The following ZNF385B variants were observed in gnomAD, a reference collection of about 807,000 sequenced individuals.
The protein encoded by ZNF385B is zinc finger protein 533.
In ZNF385B, 23 loss-of-function variants were observed where a neutral mutation model predicts 39.2. The observed-to-expected ratio is 0.59, with a 90% CI of 0.42 to 0.83. The LOEUF (loss-of-function observed/expected upper bound fraction) is 0.83. ZNF385B is among the 40% of genes least tolerant of loss of function. The probability of loss-of-function intolerance (pLI) is 0.00; values close to 1 mark genes in which losing one functional copy is unlikely to be tolerated. For missense variants in ZNF385B, 552 were observed against 598.9 expected, an observed-to-expected ratio of 0.92 and a Z score of 0.82; for synonymous variants, 205 against 222.6, an observed-to-expected ratio of 0.92 and a Z score of 0.70.
chr2:179,642,364 G>A (rs1156688891), intron 3 of ZNF385B, among the ~76,000 whole-genome samples: 1 of 152,102 alleles, frequency 6.6e-6, no homozygotes, highest in East Asian at 1.9e-4. Context: ...CAAACATGGA[G>A]AACAAGTGAT....
At chr2:179,774,441 A>C (rs1704194051) in intron 1 of ZNF385B, among the ~76,000 whole-genome samples, 1 of 151,670 alleles carries the variant, frequency 6.6e-6, no homozygotes, top group African/African-American at 2.4e-5. Flanking sequence ...GCTCATTGCA[A>C]CCTCTGCCTC....
At chr2:179,475,556 A>G (rs1353488627) in intron 6 of ZNF385B, among the ~76,000 whole-genome samples, 1 of 151,472 alleles carries the variant, frequency 6.6e-6, no homozygotes, top group Non-Finnish European at 1.5e-5. Context: ...GGCCCACACA[A>G]TGTTTTATTA....
At chr2:179,838,446 C>T (rs932911282) in intron 1 of ZNF385B, among the ~76,000 whole-genome samples, 2 of 152,186 alleles carry the variant, frequency 1.3e-5, no homozygotes, top group African/African-American at 2.4e-5. Context: ...ACACATGGAG[C>T]GCCTAACTTC....
At chr2:179,507,158 G>C (rs1256412088) in intron 5 of ZNF385B, among the ~76,000 whole-genome samples, 2 of 152,132 alleles carry the variant, frequency 1.3e-5, no homozygotes, top group Non-Finnish European at 2.9e-5. Context: ...TTAAATCCTA[G>C]AATATGTTGC....
At chr2:179,760,995 A>T (rs931523410) in intron 3 of ZNF385B, among the ~76,000 whole-genome samples, 1 of 152,228 alleles carries the variant, frequency 6.6e-6, no homozygotes, top group South Asian at 2.1e-4. Flanking sequence ...TTTGTTGAAA[A>T]GGTATTCTTT....
At chr2:179,576,937 T>C (rs777457622) in intron 3 of ZNF385B, among the ~76,000 whole-genome samples, 15 of 152,150 alleles carry the variant, frequency 9.9e-5, no homozygotes, top group Non-Finnish European at 1.9e-4. Context: ...GTTAATTAAG[T>C]ATGTTATGAT....
In ZNF385B at chr2:179,846,064, T is replaced by G. The variant is rs1646940700; in HGVS notation, c.-155+15037A>C. On this transcript the variant is annotated intron_variant, in intron 1 of 9. Coordinates refer to ENST00000410066, the MANE Select transcript of ZNF385B (RefSeq NM_152520.6). ...CATACTTTTGGTTGGCTATGGAAAG[T>G]CATCGCCTTGGAGGAGCTGATGACT... Among the ~76,000 whole-genome samples, 3 of 152,212 alleles carry G rather than the reference T, an allele frequency of 2.0e-5. No homozygotes were observed. The South Asian group carries it at 6.2e-4, about 32-fold the overall frequency.
intron 3 of ZNF385B, among the ~76,000 whole-genome samples, chr2:179,560,576 ACTCT>A (rs914641684): frequency 2.0e-5 from 3 of 151,664 alleles, no homozygotes; most frequent in Non-Finnish European, 4.4e-5. Flanking sequence ...TCTTTCTCTA[ACTCT>A]CTCTAATCAC....
intron 5 of ZNF385B, among the ~76,000 whole-genome samples, chr2:179,517,506 T>C (rs2058174192): frequency 2.0e-5 from 3 of 149,932 alleles, no homozygotes; most frequent in Non-Finnish European, 4.5e-5. Flanking sequence ...ATGATAAACA[T>C]CTCTTTTCCA....
chr2:179,579,354 G>A (rs1201142663), intron 3 of ZNF385B, among the ~76,000 whole-genome samples: 1 of 151,924 alleles, frequency 6.6e-6, no homozygotes, highest in African/African-American at 2.4e-5. Flanking sequence ...ACCAAACTCA[G>A]CTTCTTTTAT....
intron 1 of ZNF385B, among the ~76,000 whole-genome samples, chr2:179,792,042 A>G (rs1459209353): frequency 1.3e-5 from 2 of 152,164 alleles, no homozygotes; most frequent in East Asian, 1.9e-4. Flanking sequence ...GATTACAGAC[A>G]TGAGCCACCG....
chr2:179,717,173 T>A (rs1375025632), intron 3 of ZNF385B, among the ~76,000 whole-genome samples: 4 of 152,198 alleles, frequency 2.6e-5, no homozygotes, highest in African/African-American at 9.6e-5. Flanking sequence ...AATGTTTATA[T>A]AAAATGAGAA....
chr2:179,724,939 A>T (rs1265980329), intron 3 of ZNF385B, among the ~76,000 whole-genome samples: 1 of 152,194 alleles, frequency 6.6e-6, no homozygotes, highest in African/African-American at 2.4e-5. Flanking sequence ...CTATGAATTT[A>T]GCTTATTTTG....
chr2:179,776,437 A>T (rs938960830), intron 1 of ZNF385B, among the ~76,000 whole-genome samples: 1 of 152,164 alleles, frequency 6.6e-6, no homozygotes. Flanking sequence ...GCACAATACA[A>T]AACACCTAAG....
At chr2:179,479,034 T>C (rs1240044349) in intron 6 of ZNF385B, among the ~76,000 whole-genome samples, 1 of 152,074 alleles carries the variant, frequency 6.6e-6, no homozygotes, top group Non-Finnish European at 1.5e-5. Context: ...CCAAAGCATA[T>C]TTTTCCTCCC....
intron 3 of ZNF385B, among the ~76,000 whole-genome samples, chr2:179,626,816 G>T (rs1278453092): frequency 6.6e-6 from 1 of 152,046 alleles, no homozygotes; most frequent in Non-Finnish European, 1.5e-5. Context: ...CCAACTTAAA[G>T]AATTTGGGAA....
At chr2:179,753,421 G>A (rs1002726531) in intron 3 of ZNF385B, among the ~76,000 whole-genome samples, 1 of 152,158 alleles carries the variant, frequency 6.6e-6, no homozygotes, top group African/African-American at 2.4e-5. Flanking sequence ...GGCAATGTGG[G>A]CTCTTTTTTG....
intron 3 of ZNF385B, among the ~76,000 whole-genome samples, chr2:179,686,038 C>G (rs762531880): frequency 6.6e-6 from 1 of 152,214 alleles, no homozygotes; most frequent in Non-Finnish European, 1.5e-5. Flanking sequence ...CACCACTGCT[C>G]CTTTCAGATA....
chr2:179,570,510 C>G (rs1415000542), intron 3 of ZNF385B, among the ~76,000 whole-genome samples: 1 of 152,122 alleles, frequency 6.6e-6, no homozygotes, highest in African/African-American at 2.4e-5. Flanking sequence ...ATTTTCTCAT[C>G]AGAAATAATA....
Sources: gnomAD v4.1 joint callset for allele counts (sites outside exome capture counted in the v4.1 genomes callset) on GRCh38, gnomAD v4.1.1 for gene constraint, MANE v1.5 for transcripts, NCBI Gene and HGNC (gene_info 2026-07-23, HGNC 2026-07-21) for gene names.